Variants in STX8 observed in about 807,000 individuals in gnomAD.
The protein encoded by STX8 is syntaxin-8.
A neutral mutation model predicts 37.5 loss-of-function variants in STX8; 23 were observed. The observed-to-expected ratio is 0.61, with a 90% confidence interval of 0.44 to 0.87. The LOEUF is 0.87. Ranked by LOEUF, STX8 falls within the 40% of genes least tolerant of loss-of-function variation. The probability of loss-of-function intolerance (pLI) is 0.00; values close to 1 mark genes in which losing one functional copy is unlikely to be tolerated. For missense variants in STX8, 313 were observed against 284.7 expected (o/e 1.10, Z -0.71); for synonymous variants, 115 against 99.1 (o/e 1.16, Z -0.95).
At chr17:9,454,562 C>T (rs938580852) in intron 6 of STX8, among the ~76,000 whole-genome samples, 2 of 151,976 alleles carry the variant, frequency 1.3e-5, no homozygotes, top group Non-Finnish European at 2.9e-5. Flanking sequence ...CGCCTATAGT[C>T]CCAGCTACTC....
chr17:9,402,050 T>C (rs1033021540), intron 6 of STX8, among the ~76,000 whole-genome samples: 4 of 152,116 alleles, frequency 2.6e-5, no homozygotes, highest in Non-Finnish European at 5.9e-5. Context: ...GGCCCATGTA[T>C]CTTTGATTTT....
At chr17:9,568,633 T>G (rs528099799) in intron 1 of STX8, among the ~76,000 whole-genome samples, 163 bp from the exon 2 acceptor site, 1 of 152,318 alleles carries the variant, frequency 6.6e-6, no homozygotes, top group East Asian at 1.9e-4. Context: ...CCCCAGTAGC[T>G]GGGACTACAG....
chr17:9,277,794 C>T (rs763861142), intron 7 of STX8, among the ~76,000 whole-genome samples: 7 of 151,964 alleles, frequency 4.6e-5, no homozygotes, highest in Admixed American at 2.0e-4. Flanking sequence ...AAGCACAGAG[C>T]AGCTAGGGAT....
intron 6 of STX8, among the ~76,000 whole-genome samples, chr17:9,428,823 A>G (rs1304083779): frequency 6.6e-6 from 1 of 152,182 alleles, no homozygotes; most frequent in Admixed American, 6.5e-5. Flanking sequence ...ATCTTAATTC[A>G]GACTAGCCAC....
At chr17:9,317,190 TGAAA>T (rs1188448516) in intron 7 of STX8, among the ~76,000 whole-genome samples, 2 of 152,012 alleles carry the variant, frequency 1.3e-5, no homozygotes, top group East Asian at 1.9e-4. Context: ...GAACCAGTGG[TGAAA>T]GAAAGAGCTC....
intron 6 of STX8, among the ~76,000 whole-genome samples, chr17:9,439,069 GA>G (rs1162195697): frequency 2.6e-5 from 4 of 152,024 alleles, no homozygotes; most frequent in African/African-American, 7.3e-5. Flanking sequence ...AATAGCTTTT[GA>G]TTTTTTTTCA....
intron 6 of STX8, among the ~76,000 whole-genome samples, chr17:9,476,777 T>C (rs1906125233): frequency 6.6e-6 from 1 of 152,118 alleles, no homozygotes; most frequent in Non-Finnish European, 1.5e-5. Context: ...CTGAGGCCTC[T>C]TTCCTTGGCT....
chr17:9,406,891 A>G, intron 6 of STX8, among the ~76,000 whole-genome samples: 1 of 152,188 alleles, frequency 6.6e-6, no homozygotes, highest in Admixed American at 6.5e-5. Flanking sequence ...TTTACCATAA[A>G]CCACTAAAAG....
chr17:9,363,344 G>GA (rs1411538811), intron 7 of STX8, among the ~76,000 whole-genome samples: 2 of 152,072 alleles, frequency 1.3e-5, no homozygotes, highest in Non-Finnish European at 2.9e-5. Flanking sequence ...GGATATAAAA[G>GA]AAAAATCTAT....
intron 7 of STX8, among the ~76,000 whole-genome samples, chr17:9,373,864 G>A (rs528860871): frequency 4.0e-5 from 6 of 151,290 alleles, no homozygotes; most frequent in South Asian, 2.1e-4. Flanking sequence ...GCTCGAACCC[G>A]GAAGGCAGAG....
chr17:9,417,773 A>G (rs1466166574), intron 6 of STX8, among the ~76,000 whole-genome samples: 7 of 152,206 alleles, frequency 4.6e-5, no homozygotes, highest in African/African-American at 1.2e-4. Flanking sequence ...GATGTAATCA[A>G]TCATGCCTAT....
intron 5 of STX8, among the ~76,000 whole-genome samples, chr17:9,493,114 TTAGC>T (rs1906927043): frequency 6.8e-6 from 1 of 147,038 alleles, no homozygotes; most frequent in South Asian, 2.1e-4. Context: ...AAAAAAAAAA[TTAGC>T]TAGGCACGAT....
chr17:9,546,009 G>A (rs1336756906), intron 3 of STX8, among the ~76,000 whole-genome samples: 1 of 152,012 alleles, frequency 6.6e-6, no homozygotes, highest in East Asian at 1.9e-4. Context: ...ACCCTAAGAT[G>A]CTCTGTTTAA....
intron 2 of STX8, among the ~76,000 whole-genome samples, chr17:9,561,949 A>T (rs997244645): frequency 2.0e-5 from 3 of 152,162 alleles, no homozygotes; most frequent in African/African-American, 7.2e-5. Context: ...CAAGAAGATG[A>T]CACTAGTTAA....
intron 3 of STX8, among the ~76,000 whole-genome samples, chr17:9,545,971 G>A (rs1216387389): frequency 6.6e-6 from 1 of 152,180 alleles, no homozygotes; most frequent in African/African-American, 2.4e-5. Context: ...GTGTGTCAGT[G>A]TTCCAGGGCA....
chr17:9,308,319 G>A (rs1909071847), intron 7 of STX8, among the ~76,000 whole-genome samples: 1 of 152,206 alleles, frequency 6.6e-6, no homozygotes, highest in African/African-American at 2.4e-5. Flanking sequence ...GACAAGGTAG[G>A]TCAGGGAATT....
chr17:9,452,297 A>C (rs1213863195), intron 6 of STX8: 4 of 152,152 alleles, frequency 2.6e-5, no homozygotes, highest in Non-Finnish European at 5.9e-5. Flanking sequence ...ATGAGAAAGA[A>C]AATTGACATC....
intron 7 of STX8, among the ~76,000 whole-genome samples, chr17:9,303,340 A>G (rs964411157): frequency 1.3e-5 from 2 of 152,134 alleles, no homozygotes; most frequent in African/African-American, 4.8e-5. Flanking sequence ...CCTCCAACCT[A>G]GACTGCTCAC....
rs143431612 is a variant in STX8 at position 9,348,152 on chromosome 17, G to A, written c.643+30400C>T. ...TGTAGAATATGGGAACCTGCTGGGC[G>A]CGGTGGCTCACACCTGTAATCCCAG... is the stretch of plus-strand genomic sequence containing the variant. On this transcript the variant is annotated intron_variant, in intron 7 of 7. Coordinates refer to ENST00000306357, the MANE Select transcript of STX8 (RefSeq NM_004853.3). 3.0e-4 allele frequency among the ~76,000 whole-genome samples: 45 copies of A among 152,136 alleles called. 1 individual carries two copies. The East Asian group carries it at 8.1e-3, about 27-fold the overall frequency.
Sources: gnomAD v4.1 joint callset for allele counts (sites outside exome capture counted in the v4.1 genomes callset) on GRCh38, gnomAD v4.1.1 for gene constraint, MANE v1.5 for transcripts, NCBI Gene and HGNC (gene_info 2026-07-23, HGNC 2026-07-21) for gene names.